EHD4: variants seen among roughly 807,000 people sequenced by gnomAD.
The protein encoded by EHD4 is EH domain-containing protein 4.
In EHD4, 37 loss-of-function variants were observed where a neutral mutation model predicts 51.0. The observed-to-expected ratio is 0.73, with a 90% confidence interval of 0.56 to 0.95. EHD4 has a LOEUF of 0.95. Ranked by LOEUF, EHD4 falls within the 40% of genes least tolerant of loss-of-function variation. EHD4 has a pLI of 0.00. For synonymous variants in EHD4, 297 were observed against 317.3 expected, an observed-to-expected ratio of 0.94 and a Z score of 0.68; for missense variants, 632 against 733.1, an observed-to-expected ratio of 0.86 and a Z score of 1.59.
At chr15:41,970,646 C>T (rs1413646898) in intron 1 of EHD4, among the ~76,000 whole-genome samples, 2 of 152,204 alleles carry the variant, frequency 1.3e-5, no homozygotes, top group Admixed American at 1.3e-4. Context: ...GCATTATCTC[C>T]AGGTTGGCAC....
At chr15:41,904,391 G>C (rs2067499046) in intron 5 of EHD4, among the ~76,000 whole-genome samples, 1 of 151,654 alleles carries the variant, frequency 6.6e-6, no homozygotes, top group South Asian at 2.1e-4. Context: ...GACTGCGGGG[G>C]CACCAGTTAA....
At chr15:41,958,363 G>A (rs1267576532) in intron 1 of EHD4, among the ~76,000 whole-genome samples, 1 of 152,068 alleles carries the variant, frequency 6.6e-6, no homozygotes, top group African/African-American at 2.4e-5. Flanking sequence ...ATGGATGGGA[G>A]ACCTGACATC....
intron 3 of EHD4, among the ~76,000 whole-genome samples, chr15:41,930,598 A>AC (rs1320309720): frequency 2.6e-5 from 4 of 152,120 alleles, no homozygotes; most frequent in African/African-American, 9.7e-5. Context: ...TGAAGACCCC[A>AC]CCCCTCGCCC....
intron 5 of EHD4, among the ~76,000 whole-genome samples, chr15:41,901,470 A>G (rs1485917246): frequency 3.3e-5 from 5 of 152,364 alleles, no homozygotes; most frequent in Admixed American, 6.5e-5. Flanking sequence ...CTTTTTAAAA[A>G]TGCTCTAGAG....
At chr15:41,970,451 C>G (rs748298225) in intron 1 of EHD4, among the ~76,000 whole-genome samples, 5 of 152,250 alleles carry the variant, frequency 3.3e-5, no homozygotes, top group African/African-American at 4.8e-5. Flanking sequence ...CTTCATAAAA[C>G]TGCGCTTAGC....
At chr15:41,939,749 C>T (rs911045239) in intron 3 of EHD4, among the ~76,000 whole-genome samples, 22 of 143,728 alleles carry the variant, frequency 1.5e-4, no homozygotes, top group African/African-American at 5.0e-4. Context: ...GCAGTGAGCA[C>T]TCCATTGCAC....
chr15:41,928,035 C>T (rs1161323419), intron 3 of EHD4, among the ~76,000 whole-genome samples: 2 of 152,174 alleles, frequency 1.3e-5, no homozygotes, highest in Admixed American at 6.5e-5. Flanking sequence ...TATCTGGGAT[C>T]GCTCAGGTAT....
At chr15:41,933,747 T>C (rs1457447517) in intron 3 of EHD4, among the ~76,000 whole-genome samples, 1 of 152,244 alleles carries the variant, frequency 6.6e-6, no homozygotes, top group Non-Finnish European at 1.5e-5. Context: ...GGGAAGGTTA[T>C]TAAACGTTTC....
intron 1 of EHD4, among the ~76,000 whole-genome samples, chr15:41,968,453 C>CTTTTTTT (rs11291085): frequency 8.0e-6 from 1 of 124,664 alleles, no homozygotes; most frequent in African/African-American, 3.0e-5. Context: ...ATCTTTACTC[C>CTTTTTTT]TTTTTTTTTT....
chr15:41,951,938 C>T (rs2067855049), intron 2 of EHD4, among the ~76,000 whole-genome samples: 1 of 152,244 alleles, frequency 6.6e-6, no homozygotes, highest in Non-Finnish European at 1.5e-5. Flanking sequence ...GTTCCTATCA[C>T]CATCAGTAAT....
chr15:41,972,544 C>G lies in EHD4; in HGVS notation c.-50G>C, dbSNP rs1266031329. 2 of 1,427,658 alleles carry G rather than the reference C, an allele frequency of 1.4e-6. No homozygotes were observed. Among genetic ancestry groups the G allele is most frequent in the Non-Finnish European group, 1.8e-6 (2 of 1,096,862 alleles). 88.4% of individuals were successfully genotyped at this position (1,427,658 alleles called of 1,614,324 possible). A position where few individuals can be genotyped will look rare whatever the true frequency, so the allele number is the denominator to read the frequency against. On this transcript the variant is annotated 5_prime_UTR_variant, in exon 1 of 6. Transcript: ENST00000220325. The stretch of plus-strand genomic sequence containing the variant: ...GGGACCCTGCTCCGGGTTCGACTCT[C>G]CCCGGCTCGCACTGAGCCGCCCCGG...
chr15:41,952,470 A>G (rs913848642), intron 2 of EHD4, among the ~76,000 whole-genome samples: 7 of 152,084 alleles, frequency 4.6e-5, no homozygotes, highest in African/African-American at 1.7e-4. Context: ...GCATTACACA[A>G]ACGCAAGGGG....
chr15:41,917,051 C>G (rs897114993), intron 4 of EHD4, among the ~76,000 whole-genome samples: 3 of 152,200 alleles, frequency 2.0e-5, no homozygotes, highest in African/African-American at 7.2e-5. Context: ...GGCAGGGAAG[C>G]TCTACGGGTT....
rs2067896012 is a variant in EHD4 at position 41,957,606 on chromosome 15, A to C, written c.237-3666T>G. Among the ~76,000 whole-genome samples, 3 of 152,168 alleles carry C rather than the reference A, an allele frequency of 2.0e-5. No homozygotes were observed. In the South Asian group the frequency reaches 6.2e-4, roughly 32 times the overall value. On this transcript the variant is annotated intron_variant, in intron 1 of 5. Transcript: ENST00000220325. ...CACAGGGTGGCCATGCAGGATCCAG[A>C]ACCTGCAGCCCCTTTCTCCTGGCCC...
chr15:41,953,888 T>C lies in EHD4; in HGVS notation c.289A>G (p.Thr97Ala). 2 of 1,613,870 alleles carry C rather than the reference T, an allele frequency of 1.2e-6. No individual in the cohort carries two copies. The highest frequency in any genetic ancestry group is 1.7e-6 in the Non-Finnish European group (2 of 1,179,960). ...TACATCACGGCGATGAAGGAGTCTGTGGTGGGCTCCGGACCAATCCTCATG... is the reference window on the plus strand; with the variant it reads ...TACATCACGGCGATGAAGGAGTCTGCGGTGGGCTCCGGACCAATCCTCATG... ...PGMRIGPEPT[T>A]DSFIAVMYGE... Residue 97 changes from threonine (T) to alanine (A), a missense_variant, in exon 2 of 6, where the codon ACA becomes GCA. Thr to Ala is a moderately conservative substitution (Grantham distance 58, BLOSUM62 0). Transcript: ENST00000220325.
rs763727588 is a variant in EHD4, at chr15:41,919,251, G to C, written c.883C>G (p.Arg295Gly). The C allele has an allele frequency of 6.2e-7, 1 of 1,614,108 alleles. No individual in the cohort carries two copies. The highest frequency in any genetic ancestry group is 1.1e-5 in the South Asian group (1 of 91,088). ...CGCTTGATGAGGTCGTTGAGCTTGC[G>C]CACCGCTGCCTTCTGGGGGAGGCTC... is the stretch of plus-strand genomic sequence containing the variant. ...IQSLPQKAAV[R>G]KLNDLIKRAR... is the part of the protein sequence containing the mutation. The change falls in exon 4 of 6, where the codon CGC becomes GGC. Residue 295 changes from arginine to glycine, a missense_variant. Transcript: ENST00000220325.
intron 3 of EHD4, 65 bp downstream of exon 3, chr15:41,943,002 C>T (rs1293780827): frequency 6.4e-6 from 9 of 1,400,746 alleles, no homozygotes; most frequent in Non-Finnish European, 8.9e-6. Context: ...GACAGAAATC[C>T]TCTGCTCACA....
chr15:41,904,114 A>AT (rs1388470253), intron 5 of EHD4, among the ~76,000 whole-genome samples: 1 of 152,158 alleles, frequency 6.6e-6, no homozygotes, highest in African/African-American at 2.4e-5. Context: ...CACCTACCCC[A>AT]TTTCCTTAAG....
At chr15:41,957,539 C>T (rs2067895584) in intron 1 of EHD4, among the ~76,000 whole-genome samples, 2 of 152,164 alleles carry the variant, frequency 1.3e-5, no homozygotes, top group Admixed American at 6.5e-5. Context: ...AGCGACAAGA[C>T]TGAGGGTTAG....
Sources: gnomAD v4.1 joint callset for allele counts (sites outside exome capture counted in the v4.1 genomes callset) on GRCh38, gnomAD v4.1.1 for gene constraint, MANE v1.5 for transcripts, NCBI Gene and HGNC (gene_info 2026-07-23, HGNC 2026-07-21) for gene names.